Variants in SEM1 observed in about 807,000 individuals in gnomAD.
SEM1 encodes 26S proteasome complex subunit SEM1.
Under a neutral mutation model 12.7 loss-of-function variants are expected in SEM1, and 3 were observed. That is an observed-to-expected ratio of 0.24 (90% confidence interval 0.11 to 0.61). SEM1 has a LOEUF of 0.61. SEM1 is among the 20% of genes least tolerant of loss of function. The pLI is 0.88. For missense variants in SEM1, 59 were observed against 81.3 expected, an observed-to-expected ratio of 0.73 and a Z score of 1.06; for synonymous variants, 30 against 27.8, an observed-to-expected ratio of 1.08 and a Z score of -0.25.
intron 2 of SEM1, among the ~76,000 whole-genome samples, chr7:96,567,751 A>G (rs1805888444): frequency 6.6e-6 from 1 of 151,638 alleles, no homozygotes; most frequent in African/African-American, 2.4e-5. Flanking sequence ...GCATAATAAT[A>G]TAAATTTTCT....
chr7:96,660,934 A>C (rs1167933791), intron 2 of SEM1, among the ~76,000 whole-genome samples: 1 of 152,240 alleles, frequency 6.6e-6, no homozygotes, highest in East Asian at 1.9e-4. Flanking sequence ...ATTACAAAAA[A>C]AATCCTGTCT....
At chr7:96,701,254 CCA>C (rs1448354147) in intron 1 of SEM1, among the ~76,000 whole-genome samples, 3 of 151,894 alleles carry the variant, frequency 2.0e-5, no homozygotes, top group Non-Finnish European at 4.4e-5. Flanking sequence ...CAAAACCCCC[CCA>C]AAAATTCTTA....
chr7:96,687,223 T>A (rs1789787512), downstream of SEM1, among the ~76,000 whole-genome samples: 1 of 152,188 alleles, frequency 6.6e-6, no homozygotes, highest in Non-Finnish European at 1.5e-5. Flanking sequence ...TGGAAGTCAG[T>A]GTGGCGATTC....
At chr7:96,659,984 T>G (rs1448913535) in intron 2 of SEM1, among the ~76,000 whole-genome samples, 1 of 149,562 alleles carries the variant, frequency 6.7e-6, no homozygotes, top group African/African-American at 2.5e-5. Context: ...TATATTAAAC[T>G]TGCCAGTTAA....
At chr7:96,706,223 C>T (rs1790457367) in intron 1 of SEM1, 1 of 152,172 alleles carries the variant, frequency 6.6e-6, no homozygotes, top group Non-Finnish European at 1.5e-5. Flanking sequence ...GCATTTGTAC[C>T]TTCAGAGACT....
intron 2 of SEM1, among the ~76,000 whole-genome samples, chr7:96,575,290 A>G (rs1025016450): frequency 3.3e-5 from 5 of 152,148 alleles, no homozygotes; most frequent in Admixed American, 3.3e-4. Flanking sequence ...GGTATCACCA[A>G]TGGAGGCTGC....
chr7:96,629,063 A>C (rs1041704510), intron 2 of SEM1, among the ~76,000 whole-genome samples: 10 of 152,108 alleles, frequency 6.6e-5, no homozygotes, highest in African/African-American at 2.2e-4. Flanking sequence ...TGCTGCTATT[A>C]GGGTCCTTTC....
intron 2 of SEM1, among the ~76,000 whole-genome samples, chr7:96,552,460 G>C (rs1584757115): frequency 6.6e-6 from 1 of 150,460 alleles, no homozygotes. Flanking sequence ...TTGTTCTTGC[G>C]ATAGTTTACT....
At chr7:96,497,029 A>ACACT (rs1803308832), upstream of SEM1, among the ~76,000 whole-genome samples, 1 of 152,038 alleles carries the variant, frequency 6.6e-6, no homozygotes, top group South Asian at 2.1e-4. Context: ...ACACACACAC[A>ACACT]CACTCTGTCA....
intron 2 of SEM1, among the ~76,000 whole-genome samples, chr7:96,636,054 T>C (rs1008330125): frequency 6.6e-5 from 10 of 152,120 alleles, no homozygotes; most frequent in African/African-American, 2.4e-4. Flanking sequence ...AGAATCAATG[T>C]CTTTTTTAAG....
chr7:96,547,000 T>A (rs929644027), intron 2 of SEM1, among the ~76,000 whole-genome samples: 6 of 152,036 alleles, frequency 3.9e-5, no homozygotes, highest in Admixed American at 1.3e-4. Context: ...ACCTGCAAAT[T>A]CTCTAATGCA....
chr7:96,559,298 T>C (rs553201318), intron 2 of SEM1, among the ~76,000 whole-genome samples: 115 of 152,212 alleles, frequency 7.6e-4, no homozygotes, highest in Non-Finnish European at 1.4e-3. Context: ...TGAATTATTT[T>C]TTGAGACAAG....
chr7:96,486,417 C>A (rs780009952), exon 2 of SEM1: 132 of 1,536,564 alleles, frequency 8.6e-5, no homozygotes, highest in Admixed American at 1.6e-4. Context: ...ATGTTGGAGT[C>A]CTATAAGGGA....
chr7:96,559,868 G>A (rs887284629), intron 2 of SEM1, among the ~76,000 whole-genome samples: 1 of 152,188 alleles, frequency 6.6e-6, no homozygotes, highest in African/African-American at 2.4e-5. Flanking sequence ...TGGAGGCAGT[G>A]ACAAGCCTTT....
At chr7:96,709,424 C>T (rs919952733) in intron 1 of SEM1, among the ~76,000 whole-genome samples, 1 of 152,158 alleles carries the variant, frequency 6.6e-6, no homozygotes, top group Non-Finnish European at 1.5e-5. Flanking sequence ...CCATCACAGA[C>T]GCGGGGCTAT....
chr7:96,582,975 A>T lies in SEM1; in HGVS notation c.171-76277T>A, dbSNP rs560829143. Among the ~76,000 whole-genome samples the T allele has an allele frequency of 1.2e-4, 18 of 152,096 alleles. 1 individual carries two copies. The East Asian group carries it at 3.5e-3, about 29-fold the overall frequency. On this transcript the variant is annotated intron_variant and NMD_transcript_variant, in intron 2 of 3. Transcript: ENST00000466986. ...GGTTTTTTGTGTCTCTATTCCCTTC[A>T]GTTCTGCTCTGATTTTAGTTATTTC...
intron 2 of SEM1, among the ~76,000 whole-genome samples, chr7:96,532,298 G>A (rs771934203): frequency 6.6e-6 from 1 of 151,900 alleles, no homozygotes; most frequent in Non-Finnish European, 1.5e-5. Flanking sequence ...AATATAAAAA[G>A]ACACAGAAAA....
At chr7:96,528,483 T>A (rs1804540490) in intron 2 of SEM1, among the ~76,000 whole-genome samples, 1 of 152,148 alleles carries the variant, frequency 6.6e-6, no homozygotes, top group South Asian at 2.1e-4. Context: ...TTACCCACCA[T>A]GCCCAACCCT....
chr7:96,523,573 A>T (rs1407323475), intron 2 of SEM1, among the ~76,000 whole-genome samples: 2 of 152,086 alleles, frequency 1.3e-5, no homozygotes, highest in Non-Finnish European at 2.9e-5. Context: ...CTCTCTTTAC[A>T]GCTTTTGTTG....
Sources: gnomAD v4.1 joint callset for allele counts (sites outside exome capture counted in the v4.1 genomes callset) on GRCh38, gnomAD v4.1.1 for gene constraint, MANE v1.5 for transcripts, NCBI Gene and HGNC (gene_info 2026-07-23, HGNC 2026-07-21) for gene names.